ZDHHC11: variants seen among roughly 807,000 people sequenced by gnomAD.
The protein encoded by ZDHHC11 is palmitoyltransferase ZDHHC11.
ZDHHC11 carries 44 observed loss-of-function variants against 51.3 expected under a neutral mutation model. The ratio of observed to expected loss-of-function variants is 0.86; its 90% CI spans 0.67 to 1.10. The LOEUF (loss-of-function observed/expected upper bound fraction) is 1.10. Among genes scored for constraint, ZDHHC11 ranks in the 50% least tolerant of loss-of-function variants. The probability of loss-of-function intolerance (pLI) is 0.00; values close to 1 mark genes in which losing one functional copy is unlikely to be tolerated. For synonymous variants in ZDHHC11, 163 were observed against 222.0 expected (o/e 0.73, Z 2.36); for missense variants, 400 against 537.7 (o/e 0.74, Z 2.53).
intron 11 of ZDHHC11, among the ~76,000 whole-genome samples, chr5:811,187 A>G (rs1356303909): frequency 7.1e-6 from 1 of 141,182 alleles, no homozygotes; most frequent in Non-Finnish European, 1.5e-5. Context: ...TTAATTTTCT[A>G]TCATTCTTGC....
chr5:851,565 A>G (rs1747240900), upstream of ZDHHC11, among the ~76,000 whole-genome samples: 1 of 152,236 alleles, frequency 6.6e-6, no homozygotes, highest in Admixed American at 6.5e-5. Context: ...GAAGAGAGAC[A>G]TTGAGAAATA....
At chr5:854,699 C>G (rs191971153), upstream of ZDHHC11, among the ~76,000 whole-genome samples, 7 of 148,684 alleles carry the variant, frequency 4.7e-5, no homozygotes, top group Non-Finnish European at 1.0e-4. Context: ...GACAGCAAGC[C>G]GGGGGGACAG....
chr5:847,411 G>C, intron 3 of ZDHHC11, 103 bp downstream of exon 3: 1 of 1,522,780 alleles, frequency 6.6e-7, no homozygotes, highest in Admixed American at 1.8e-5. Context: ...GGCCCCAAGA[G>C]GACCCTCCAC....
At chr5:829,189 A>G in intron 7 of ZDHHC11, among the ~76,000 whole-genome samples, 1 of 150,240 alleles carries the variant, frequency 6.7e-6, no homozygotes, top group African/African-American at 2.5e-5. Context: ...AAACAAAAAA[A>G]CCACAAAAGA....
At chr5:825,126 C>G in intron 8 of ZDHHC11, 38 bp downstream of exon 8, 1 of 1,586,334 alleles carries the variant, frequency 6.3e-7, no homozygotes, top group Non-Finnish European at 8.7e-7. Flanking sequence ...TGCACACGGC[C>G]CTGACCTCGG....
chr5:860,513 TCA>T (rs1313849955), upstream of ZDHHC11, among the ~76,000 whole-genome samples: 1 of 151,528 alleles, frequency 6.6e-6, no homozygotes, highest in Non-Finnish European at 1.5e-5. This position sits in a 1 kb window ranked among gnomAD's most constrained non-coding sequence, Gnocchi z 4.2. Flanking sequence ...ACACCCAGTC[TCA>T]GTCCCCATGT....
At chr5:858,074 A>AACCC (rs1238593516) in intron 1 of ZDHHC11, among the ~76,000 whole-genome samples, 4 of 88,214 alleles carry the variant, frequency 4.5e-5, no homozygotes, top group Admixed American at 1.3e-4. Flanking sequence ...GGTCCCTGTC[A>AACCC]TGTCTTTATG....
chr5:825,125 C>T (rs765345910), intron 8 of ZDHHC11, 39 bp downstream of exon 8: 1 of 1,583,746 alleles, frequency 6.3e-7, no homozygotes, highest in East Asian at 2.2e-5. Flanking sequence ...CTGCACACGG[C>T]CCTGACCTCG....
chr5:846,262 C>G (rs1348111936), intron 3 of ZDHHC11, among the ~76,000 whole-genome samples: 1 of 151,176 alleles, frequency 6.6e-6, no homozygotes. Flanking sequence ...AGGGACCGCC[C>G]GGTGCGTCCT....
chr5:824,475 T>C (rs1452610369), intron 8 of ZDHHC11, among the ~76,000 whole-genome samples: 2 of 151,164 alleles, frequency 1.3e-5, no homozygotes, highest in East Asian at 1.9e-4. Flanking sequence ...AAATAAATAA[T>C]GACCCAGCAG....
At chr5:851,876 C>T (rs1291784032), upstream of ZDHHC11, among the ~76,000 whole-genome samples, 1 of 152,036 alleles carries the variant, frequency 6.6e-6, no homozygotes, top group Non-Finnish European at 1.5e-5. Context: ...GGCAACACGG[C>T]GAAACCCTGT....
At chr5:801,804 A>T (rs537511350) in intron 11 of ZDHHC11, among the ~76,000 whole-genome samples, 1 of 151,344 alleles carries the variant, frequency 6.6e-6, no homozygotes, top group East Asian at 1.9e-4. Flanking sequence ...GCTTTGAAAG[A>T]TTTTGAAAGA....
chr5:823,822 T>G (rs1741888584), intron 8 of ZDHHC11: 1 of 342,258 alleles, frequency 2.9e-6, no homozygotes, highest in Non-Finnish European at 5.9e-6. Context: ...GTGCAGAAGG[T>G]GTCAACGTGG....
chr5:801,826 AATAGTCAC>A (rs1219631902), intron 11 of ZDHHC11, among the ~76,000 whole-genome samples: 4 of 151,306 alleles, frequency 2.6e-5, no homozygotes, highest in African/African-American at 9.7e-5. Flanking sequence ...CCACAAGCAA[AATAGTCAC>A]TAGGAGACTT....
rs1561292728 is a variant in ZDHHC11 at position 843,903 on chromosome 5, GGGGCAGGGACACGCA to G, written c.504-194_504-180del. Among the ~76,000 whole-genome samples, 797 of 123,974 alleles carry G rather than the reference GGGGCAGGGACACGCA, an allele frequency of 6.4e-3. 22 individuals are homozygous for G. In the East Asian group the frequency reaches 0.094, roughly 15 times the overall value. The allele number at this position is 123,974 out of a possible 152,430, so 81.3% of individuals were successfully genotyped here. On this transcript the variant is annotated intron_variant, in intron 3 of 12. Transcript: ENST00000283441. ...GGACAGGTGTGGGGGCGGGGAGGCA[GGGGCAGGGACACGCA>G]GGGCATCTGAGGCAGGGGCGGGGGC...
intron 9 of ZDHHC11, among the ~76,000 whole-genome samples, chr5:820,047 A>G (rs1391655055): frequency 6.6e-6 from 1 of 151,334 alleles, no homozygotes; most frequent in Non-Finnish European, 1.5e-5. Flanking sequence ...GCCATTCCCT[A>G]ATTTTCTACA....
Position 850,777 on chromosome 5 carries a change from G to A in ZDHHC11, c.-175C>T. 1.3e-6 allele frequency: 1 copy of A among 791,376 alleles called. No homozygotes were observed. The highest frequency in any genetic ancestry group is 1.7e-5 in the African/African-American group (1 of 57,648). 49.0% of individuals were successfully genotyped at this position (791,376 alleles called of 1,614,324 possible). The stretch of plus-strand genomic sequence containing the variant: ...CCGCAGAGGGAGCAGGGGCTGGGCT[G>A]GAGTCGGTGCAGGGCCCCGCCCAGG... On this transcript the variant is annotated 5_prime_UTR_variant, in exon 1 of 13. Transcript: ENST00000283441.
chr5:807,848 T>G (rs1739486098), intron 11 of ZDHHC11, among the ~76,000 whole-genome samples: 1 of 151,540 alleles, frequency 6.6e-6, no homozygotes, highest in Non-Finnish European at 1.5e-5. Context: ...AATTAGTTTC[T>G]GATCACTCTG....
upstream of ZDHHC11, among the ~76,000 whole-genome samples, chr5:851,239 G>A (rs1747180223): frequency 6.6e-6 from 1 of 152,172 alleles, no homozygotes; most frequent in South Asian, 2.1e-4. Flanking sequence ...ACAGGACAGG[G>A]AAGCCCGTCC....
Sources: gnomAD v4.1 joint callset for allele counts (sites outside exome capture counted in the v4.1 genomes callset) on GRCh38, gnomAD v4.1.1 for gene constraint, Gnocchi (gnomAD v3.1) non-coding constraint, MANE v1.5 for transcripts, NCBI Gene and HGNC (gene_info 2026-07-23, HGNC 2026-07-21) for gene names.